The following ZPBP variants were observed in gnomAD, a reference collection of about 807,000 sequenced individuals.
ZPBP encodes the protein zona pellucida binding protein.
A neutral mutation model predicts 44.8 loss-of-function variants in ZPBP; 26 were observed. The ratio of observed to expected loss-of-function variants is 0.58; its 90% CI spans 0.43 to 0.81. ZPBP has a LOEUF of 0.81. ZPBP is among the 30% of genes least tolerant of loss of function. ZPBP has a pLI of 0.00. For synonymous variants in ZPBP, 174 were observed against 153.2 expected, an observed-to-expected ratio of 1.14 and a Z score of -1.00; for missense variants, 409 against 434.0, an observed-to-expected ratio of 0.94 and a Z score of 0.51.
chr7:49,882,536 CAG>C (rs973889003), intron 2 of ZPBP, among the ~76,000 whole-genome samples: 2 of 151,658 alleles, frequency 1.3e-5, no homozygotes, highest in East Asian at 3.9e-4. Flanking sequence ...GAGGGACACA[CAG>C]AGAGAGAGAC....
chr7:49,845,240 A>G, the ZPBP span, among the ~76,000 whole-genome samples: 1 of 151,944 alleles, frequency 6.6e-6, no homozygotes, highest in African/African-American at 2.4e-5. Context: ...ACGTTTACCT[A>G]TGTAACAAAC....
At chr7:50,072,189 G>A (rs1801871738) in intron 3 of ZPBP, among the ~76,000 whole-genome samples, 1 of 152,188 alleles carries the variant, frequency 6.6e-6, no homozygotes, top group South Asian at 2.1e-4. Context: ...TGGGCCTTAA[G>A]GGAACATTGG....
intron 6 of ZPBP, among the ~76,000 whole-genome samples, chr7:50,017,150 T>C (rs1798853509): frequency 6.6e-6 from 1 of 152,198 alleles, no homozygotes; most frequent in Non-Finnish European, 1.5e-5. Context: ...CTCACCATAA[T>C]GTAAAATCAG....
intron 1 of ZPBP, among the ~76,000 whole-genome samples, chr7:49,927,329 G>C (rs1583855807): frequency 6.6e-6 from 1 of 152,310 alleles, no homozygotes; most frequent in East Asian, 1.9e-4. Flanking sequence ...CCCTTGGGAA[G>C]TATGACTTCC....
chr7:50,002,197 G>A (rs543002015), intron 6 of ZPBP, among the ~76,000 whole-genome samples: 6 of 152,134 alleles, frequency 3.9e-5, no homozygotes, highest in South Asian at 4.1e-4. Context: ...GCCAAATTAC[G>A]TCTTACATGG....
intron 6 of ZPBP, among the ~76,000 whole-genome samples, chr7:49,998,165 C>G (rs529271934): frequency 4.4e-4 from 67 of 152,330 alleles, no homozygotes; most frequent in Non-Finnish European, 8.1e-4. Flanking sequence ...ATCCACCCAC[C>G]TCGGTCTCCC....
At chr7:49,887,401 A>G (rs1791948203) in intron 2 of ZPBP, among the ~76,000 whole-genome samples, 1 of 152,252 alleles carries the variant, frequency 6.6e-6, no homozygotes, top group Non-Finnish European at 1.5e-5. Context: ...ACAGACAAAG[A>G]TATTGACATC....
chr7:49,998,055 C>T (rs1797930395), intron 6 of ZPBP, among the ~76,000 whole-genome samples: 2 of 152,064 alleles, frequency 1.3e-5, no homozygotes, highest in Non-Finnish European at 1.5e-5. Context: ...GCAGCTGGGA[C>T]TACAGGCGCA....
chr7:50,017,466 T>C (rs376179556), intron 6 of ZPBP, among the ~76,000 whole-genome samples: 1 of 152,118 alleles, frequency 6.6e-6, no homozygotes, highest in Non-Finnish European at 1.5e-5. Context: ...TAACAGGCCA[T>C]GGATTGGTAC....
chr7:50,025,380 G>A (rs1584068302), intron 5 of ZPBP, among the ~76,000 whole-genome samples: 1 of 151,786 alleles, frequency 6.6e-6, no homozygotes, highest in South Asian at 2.1e-4. Context: ...CCAACTTCAG[G>A]ACTTACTATA....
intron 2 of ZPBP, among the ~76,000 whole-genome samples, chr7:50,087,292 A>G (rs1425691860): frequency 2.0e-5 from 3 of 152,082 alleles, no homozygotes; most frequent in African/African-American, 2.4e-5. Context: ...AACCAAATCT[A>G]GCAACATAAG....
At chr7:50,043,257 G>T (rs981391757) in intron 4 of ZPBP, among the ~76,000 whole-genome samples, 1 of 152,118 alleles carries the variant, frequency 6.6e-6, no homozygotes, top group Admixed American at 6.5e-5. Flanking sequence ...CAATAAATAC[G>T]TGGGTAAAAC....
intron 2 of ZPBP, among the ~76,000 whole-genome samples, chr7:49,870,761 A>C (rs1381378255): frequency 1.3e-5 from 2 of 152,258 alleles, no homozygotes; most frequent in Non-Finnish European, 2.9e-5. Context: ...TGCAACCTGC[A>C]TGATAATGCA....
chr7:49,869,828 A>G (rs148964136), intron 2 of ZPBP, among the ~76,000 whole-genome samples: 92 of 152,276 alleles, frequency 6.0e-4, no homozygotes, highest in African/African-American at 2.0e-3. Context: ...GTTTTTTCAT[A>G]GTAATCCAAA....
At chr7:50,093,038 C>G (rs199948929) in intron 1 of ZPBP, 30 bp downstream of exon 1, 5 of 1,586,428 alleles carry the variant, frequency 3.2e-6, no homozygotes, top group Non-Finnish European at 4.3e-6. Flanking sequence ...GTTGTCCCTG[C>G]GGAGCCGGCA....
At chr7:49,845,062 T>C in the ZPBP span, among the ~76,000 whole-genome samples, 3 of 151,984 alleles carry the variant, frequency 2.0e-5, no homozygotes, top group South Asian at 4.1e-4. Context: ...TTCTCACTTA[T>C]AAATGGGAGC....
chr7:50,028,209 C>T lies in ZPBP; in HGVS notation c.706+2883G>A, dbSNP rs76314918. 4.5e-3 allele frequency among the ~76,000 whole-genome samples: 686 copies of T among 151,686 alleles called. 3 individuals carry two copies. Among genetic ancestry groups the T allele is most frequent in the African/African-American group, 0.016 (665 of 41,398 alleles). On this transcript the variant is annotated intron_variant, in intron 5 of 7. Transcript: ENST00000046087. ...CACCATGACCAAGTGGGGTATAATCCAGGAATGCAAAGATTGTTGAACATA... is the reference window on the plus strand; with the variant it reads ...CACCATGACCAAGTGGGGTATAATCTAGGAATGCAAAGATTGTTGAACATA...
At chr7:49,925,569 G>A (rs941302999) in intron 1 of ZPBP, among the ~76,000 whole-genome samples, 11 of 152,272 alleles carry the variant, frequency 7.2e-5, no homozygotes, top group Middle Eastern at 3.4e-3. Flanking sequence ...CAATCACCTG[G>A]AAAAAATTAC....
intron 3 of ZPBP, among the ~76,000 whole-genome samples, chr7:50,065,280 C>T (rs1249496347): frequency 7.0e-6 from 1 of 142,940 alleles, no homozygotes; most frequent in Non-Finnish European, 1.6e-5. Flanking sequence ...TGCCAATATG[C>T]CCATGTTCAA....
Sources: allele counts gnomAD v4.1 joint callset (sites outside exome capture counted in the v4.1 genomes callset), GRCh38; gene constraint gnomAD v4.1.1; transcripts MANE v1.5; gene names NCBI Gene and HGNC (gene_info 2026-07-23, HGNC 2026-07-21).